HSD17B12: variants seen among roughly 807,000 people sequenced by gnomAD.
HSD17B12 encodes the protein very-long-chain 3-oxoacyl-CoA reductase.
HSD17B12 carries 32 observed loss-of-function variants against 39.3 expected under a neutral mutation model. The observed-to-expected ratio is 0.81, with a 90% CI of 0.61 to 1.09. HSD17B12 has a LOEUF of 1.09. Among genes scored for constraint, HSD17B12 ranks in the 50% least tolerant of loss-of-function variants. The pLI is 0.00. For missense variants in HSD17B12, 342 were observed against 382.9 expected, an observed-to-expected ratio of 0.89 and a Z score of 0.89; for synonymous variants, 150 against 146.7, an observed-to-expected ratio of 1.02 and a Z score of -0.16.
chr11:43,732,105 C>A (rs922548294), intron 1 of HSD17B12, among the ~76,000 whole-genome samples: 1 of 152,096 alleles, frequency 6.6e-6, no homozygotes, highest in Admixed American at 6.5e-5. Flanking sequence ...TGGTTACCTC[C>A]ATGCTGTTCT....
chr11:43,580,253 T>C, the HSD17B12 span, among the ~76,000 whole-genome samples: 1 of 151,742 alleles, frequency 6.6e-6, no homozygotes, highest in African/African-American at 2.4e-5. Flanking sequence ...TCTCTAGTCT[T>C]CCCTCCCCTC....
chr11:43,674,990 G>A, the HSD17B12 span, among the ~76,000 whole-genome samples: 1 of 152,138 alleles, frequency 6.6e-6, no homozygotes, highest in Non-Finnish European at 1.5e-5. Context: ...CTGAATGTCT[G>A]TCTCTCCCAC....
At chr11:43,626,125 AT>A in the HSD17B12 span, among the ~76,000 whole-genome samples, 1 of 151,728 alleles carries the variant, frequency 6.6e-6, no homozygotes, top group South Asian at 2.1e-4. Flanking sequence ...TTTAAATTGG[AT>A]TTTTAAAACC....
intron 1 of HSD17B12, among the ~76,000 whole-genome samples, chr11:43,690,120 C>G (rs1200685357): frequency 6.6e-6 from 1 of 151,510 alleles, no homozygotes; most frequent in African/African-American, 2.4e-5. Context: ...ACAGTCGTTT[C>G]TCCCTCACTC....
chr11:43,664,433 A>G, the HSD17B12 span, among the ~76,000 whole-genome samples: 1 of 152,234 alleles, frequency 6.6e-6, no homozygotes, highest in African/African-American at 2.4e-5. Context: ...AGCAGGCCTC[A>G]GAGTTCATTC....
At chr11:43,835,255 C>G (rs575073772) in intron 7 of HSD17B12, among the ~76,000 whole-genome samples, 11 of 152,230 alleles carry the variant, frequency 7.2e-5, no homozygotes, top group African/African-American at 2.6e-4. Flanking sequence ...ATGAGTCTGG[C>G]TGTGCCATGG....
chr11:43,663,950 C>T, the HSD17B12 span, among the ~76,000 whole-genome samples: 1 of 151,888 alleles, frequency 6.6e-6, no homozygotes, highest in Non-Finnish European at 1.5e-5. Flanking sequence ...GCAACCTCTG[C>T]CTCCTGGGTT....
At chr11:43,801,428 T>C (rs186717332) in intron 4 of HSD17B12, among the ~76,000 whole-genome samples, 1 of 151,780 alleles carries the variant, frequency 6.6e-6, no homozygotes, top group East Asian at 1.9e-4. Flanking sequence ...GAAGAGAGAA[T>C]TTATGGATGA....
At chr11:43,628,763 C>G in the HSD17B12 span, among the ~76,000 whole-genome samples, 1 of 151,342 alleles carries the variant, frequency 6.6e-6, no homozygotes, top group Non-Finnish European at 1.5e-5. Flanking sequence ...TATTTGTCAA[C>G]TATACAATTT....
At chr11:43,634,106 A>AAAAAAAAAAAAAAAAAC in the HSD17B12 span, among the ~76,000 whole-genome samples, 1 of 136,720 alleles carries the variant, frequency 7.3e-6, no homozygotes, top group African/African-American at 2.7e-5. Flanking sequence ...AAAAAAAAAA[A>AAAAAAAAAAAAAAAAAC]AAAGAAAGAC....
the HSD17B12 span, among the ~76,000 whole-genome samples, chr11:43,635,055 T>C: frequency 5.9e-5 from 9 of 152,202 alleles, no homozygotes; most frequent in Non-Finnish European, 1.0e-4. Context: ...CAATTTCCTT[T>C]AAAGTTATCT....
the HSD17B12 span, chr11:43,644,702 G>C: frequency 3.9e-5 from 6 of 152,938 alleles, no homozygotes; most frequent in African/African-American, 1.4e-4. Flanking sequence ...CTGGAATTTT[G>C]TAAGATGTAC....
the HSD17B12 span, among the ~76,000 whole-genome samples, chr11:43,647,495 G>T: frequency 6.8e-6 from 1 of 147,026 alleles, no homozygotes. Flanking sequence ...CCAGGCTGGT[G>T]TCAAACTTCT....
the HSD17B12 span, among the ~76,000 whole-genome samples, chr11:43,602,775 T>G: frequency 7.5e-3 from 1,143 of 152,076 alleles, 7 homozygotes; most frequent in Middle Eastern, 0.02. Flanking sequence ...AATTGTGGAT[T>G]TATGCACCAA....
At chr11:43,776,790 TA>T (rs1950709332) in intron 3 of HSD17B12, among the ~76,000 whole-genome samples, 1 of 152,108 alleles carries the variant, frequency 6.6e-6, no homozygotes, top group African/African-American at 2.4e-5. Flanking sequence ...GTATAAGGTG[TA>T]AGGAAGGGAT....
At chr11:43,716,218 A>G (rs553607989) in intron 1 of HSD17B12, among the ~76,000 whole-genome samples, 68 of 152,330 alleles carry the variant, frequency 4.5e-4, no homozygotes, top group Non-Finnish European at 7.6e-4. Context: ...AAATGCAGGT[A>G]GCATATAACA....
intron 3 of HSD17B12, among the ~76,000 whole-genome samples, chr11:43,776,558 C>G (rs949120415): frequency 1.2e-4 from 19 of 152,264 alleles, no homozygotes; most frequent in African/African-American, 4.6e-4. Flanking sequence ...TGTAGGTTGC[C>G]TGTTCACTCT....
At chr11:43,827,674 A>G (rs1393717156) in intron 6 of HSD17B12, among the ~76,000 whole-genome samples, 1 of 152,180 alleles carries the variant, frequency 6.6e-6, no homozygotes, top group African/African-American at 2.4e-5. Flanking sequence ...ATTTTCAAGG[A>G]TTTTCTAGGC....
chr11:43,674,527 C>G, the HSD17B12 span, among the ~76,000 whole-genome samples: 1 of 152,122 alleles, frequency 6.6e-6, no homozygotes, highest in Non-Finnish European at 1.5e-5. Context: ...ATGGGTAGTG[C>G]CTAGGCATTT....
Sources: allele counts gnomAD v4.1 joint callset (sites outside exome capture counted in the v4.1 genomes callset), GRCh38; gene constraint gnomAD v4.1.1; transcripts MANE v1.5; gene names NCBI Gene and HGNC (gene_info 2026-07-23, HGNC 2026-07-21).